The following LSAMP variants were observed in gnomAD, a reference collection of about 807,000 sequenced individuals.
LSAMP encodes the protein limbic system-associated membrane protein.
Under a neutral mutation model 38.6 loss-of-function variants are expected in LSAMP, and 7 were observed. That is an observed-to-expected ratio of 0.18 (90% CI 0.10 to 0.34). The LOEUF is 0.34. Among genes scored for constraint, LSAMP ranks in the 10% least tolerant of loss-of-function variants. LSAMP has a pLI of 1.00. For synonymous variants in LSAMP, 154 were observed against 166.8 expected (o/e 0.92, Z 0.59); for missense variants, 313 against 420.0 (o/e 0.75, Z 2.23).
At chr3:116,182,878 G>A (rs1710519808) in intron 1 of LSAMP, among the ~76,000 whole-genome samples, 1 of 151,790 alleles carries the variant, frequency 6.6e-6, no homozygotes, top group Admixed American at 6.6e-5. Context: ...ACAGATAAAA[G>A]TCCAAATTTT....
intron 3 of LSAMP, among the ~76,000 whole-genome samples, chr3:115,931,095 C>T (rs972303457): frequency 5.3e-5 from 8 of 152,124 alleles, no homozygotes; most frequent in Non-Finnish European, 7.3e-5. Flanking sequence ...CTAAATATAT[C>T]ACTGCCAGTG....
intron 3 of LSAMP, among the ~76,000 whole-genome samples, chr3:115,866,751 G>A (rs1373352974): frequency 1.3e-5 from 2 of 152,128 alleles, no homozygotes; most frequent in African/African-American, 2.4e-5. Flanking sequence ...GGAAGCTGAT[G>A]TAAAGTGAGC....
chr3:115,940,147 G>A (rs1307992512), intron 3 of LSAMP, among the ~76,000 whole-genome samples: 2 of 152,100 alleles, frequency 1.3e-5, no homozygotes, highest in Non-Finnish European at 2.9e-5. Flanking sequence ...ACAGACCTTC[G>A]CAGTGAGTGT....
At position 115,934,141 on chromosome 3, in the gene LSAMP, T is replaced by C. The variant is rs867962982; in HGVS notation, c.515-81524A>G. Among the ~76,000 whole-genome samples, 17 of 151,860 alleles carry C rather than the reference T, an allele frequency of 1.1e-4. 1 individual carries two copies. The highest frequency in any genetic ancestry group is 3.9e-4 in the African/African-American group (16 of 41,478). ...CTCAAATGGTTTCTCAAATGTATAG[T>C]TGATGTGGTGTTTTATTTTTTATTT... On this transcript the variant is annotated intron_variant, in intron 3 of 6. Transcript: ENST00000490035.
chr3:115,966,265 A>T (rs1156319616), intron 3 of LSAMP, among the ~76,000 whole-genome samples: 2 of 152,220 alleles, frequency 1.3e-5, no homozygotes, highest in Non-Finnish European at 2.9e-5. Context: ...AATTGTTCAT[A>T]CAAGTTAACC....
At chr3:115,879,584 A>G (rs944476897) in intron 3 of LSAMP, among the ~76,000 whole-genome samples, 15 of 152,152 alleles carry the variant, frequency 9.9e-5, no homozygotes, top group African/African-American at 3.6e-4. Flanking sequence ...AGTGCCTATA[A>G]CATGCTCCAT....
At chr3:115,819,949 A>C (rs1215223563) in intron 6 of LSAMP, among the ~76,000 whole-genome samples, 1 of 152,128 alleles carries the variant, frequency 6.6e-6, no homozygotes, top group Non-Finnish European at 1.5e-5. Flanking sequence ...TGGTAATACT[A>C]AGACATGCTC....
At chr3:115,925,758 C>T (rs1303891434) in intron 3 of LSAMP, among the ~76,000 whole-genome samples, 1 of 152,064 alleles carries the variant, frequency 6.6e-6, no homozygotes, top group Non-Finnish European at 1.5e-5. Context: ...TTGAGTGTTC[C>T]AGTTAATTGG....
At chr3:116,238,424 G>A (rs965092305) in intron 1 of LSAMP, among the ~76,000 whole-genome samples, 2 of 152,120 alleles carry the variant, frequency 1.3e-5, no homozygotes, top group Non-Finnish European at 2.9e-5. Flanking sequence ...AAATATTCAT[G>A]CATAATTGTG....
At chr3:116,191,394 G>T (rs886637770) in intron 1 of LSAMP, among the ~76,000 whole-genome samples, 1 of 152,136 alleles carries the variant, frequency 6.6e-6, no homozygotes, top group Non-Finnish European at 1.5e-5. Context: ...CACCCTAAGG[G>T]ATCTACAGGT....
chr3:116,151,042 C>G (rs1370214298), intron 1 of LSAMP, among the ~76,000 whole-genome samples: 3 of 151,956 alleles, frequency 2.0e-5, no homozygotes, highest in Non-Finnish European at 4.4e-5. Context: ...TAGCCACTCC[C>G]TGTTTTCCAT....
chr3:116,288,228 A>G (rs1237895150), intron 1 of LSAMP, among the ~76,000 whole-genome samples: 1 of 152,198 alleles, frequency 6.6e-6, no homozygotes, highest in East Asian at 1.9e-4. Context: ...TTTGGAGCAG[A>G]GGTAAACTAC....
At chr3:115,882,387 T>G (rs1936345373) in intron 3 of LSAMP, among the ~76,000 whole-genome samples, 1 of 152,118 alleles carries the variant, frequency 6.6e-6, no homozygotes, top group South Asian at 2.1e-4. Context: ...GATTGTCCCT[T>G]CATTCAAGGG....
At chr3:116,172,747 A>G (rs1710232983) in intron 1 of LSAMP, among the ~76,000 whole-genome samples, 1 of 151,982 alleles carries the variant, frequency 6.6e-6, no homozygotes, top group Non-Finnish European at 1.5e-5. Flanking sequence ...TCTTCTCTCA[A>G]GAAGGACTGC....
At chr3:115,890,528 C>T (rs146268483) in intron 3 of LSAMP, among the ~76,000 whole-genome samples, 4 of 151,990 alleles carry the variant, frequency 2.6e-5, no homozygotes, top group African/African-American at 4.8e-5. Flanking sequence ...TTCTCACAGC[C>T]GGTTGAAGTT....
chr3:115,923,285 C>T (rs1054625025), intron 3 of LSAMP, among the ~76,000 whole-genome samples: 4 of 152,128 alleles, frequency 2.6e-5, no homozygotes, highest in African/African-American at 4.8e-5. Context: ...GAAGAAATTG[C>T]GAGCCAGTGT....
At chr3:116,007,171 A>T (rs1054733534) in intron 3 of LSAMP, among the ~76,000 whole-genome samples, 1 of 152,138 alleles carries the variant, frequency 6.6e-6, no homozygotes, top group Non-Finnish European at 1.5e-5. Context: ...ACAAAGCCGC[A>T]ATCTTGTGAC....
Position 115,954,401 on chromosome 3 carries a change from A to G in LSAMP, c.514+65114T>C, listed in dbSNP as rs1386825483. 2.6e-5 allele frequency among the ~76,000 whole-genome samples: 4 copies of G among 152,320 alleles called. No individual in the cohort carries two copies. In the East Asian group the frequency reaches 7.7e-4, roughly 29 times the overall value. ...ATGAAACTGACCCATCTACTCCTCT[A>G]GATAGACAGGTACAGGGATACTACC... is the stretch of plus-strand genomic sequence containing the variant. On this transcript the variant is annotated intron_variant, in intron 3 of 6. Coordinates refer to ENST00000490035, the MANE Select transcript of LSAMP (RefSeq NM_002338.5).
At chr3:116,054,719 AT>A (rs1249480510) in intron 2 of LSAMP, among the ~76,000 whole-genome samples, 1 of 152,238 alleles carries the variant, frequency 6.6e-6, no homozygotes, top group East Asian at 1.9e-4. Context: ...TTGCAAAAAA[AT>A]GTATTAAATA....
Sources: gnomAD v4.1 joint callset for allele counts (sites outside exome capture counted in the v4.1 genomes callset) on GRCh38, gnomAD v4.1.1 for gene constraint, MANE v1.5 for transcripts, NCBI Gene and HGNC (gene_info 2026-07-23, HGNC 2026-07-21) for gene names.